INTS6: variants seen among roughly 807,000 people sequenced by gnomAD.
INTS6 encodes integrator complex subunit 6, also known as DEAD box protein.
In INTS6, 16 loss-of-function variants were observed where a neutral mutation model predicts 104.9. The ratio of observed to expected loss-of-function variants is 0.15; its 90% CI spans 0.10 to 0.23. The LOEUF is 0.23. Among genes scored for constraint, INTS6 ranks in the 10% least tolerant of loss-of-function variants. The probability of loss-of-function intolerance (pLI) is 1.00; values close to 1 mark genes in which losing one functional copy is unlikely to be tolerated. For synonymous variants in INTS6, 324 were observed against 358.7 expected (o/e 0.90, Z 1.09); for missense variants, 584 against 1,062.8 (o/e 0.55, Z 6.26).
intron 4 of INTS6, among the ~76,000 whole-genome samples, chr13:51,401,145 G>C (rs1193930447): frequency 2.6e-5 from 4 of 151,980 alleles, no homozygotes; most frequent in Non-Finnish European, 4.4e-5. Flanking sequence ...TAACTCCAAA[G>C]CTCAGACATT....
At chr13:51,349,730 A>G (rs2137788161), downstream of INTS6, among the ~76,000 whole-genome samples, 1 of 152,294 alleles carries the variant, frequency 6.6e-6, no homozygotes, top group Non-Finnish European at 1.5e-5. Context: ...GCAGTTTGAA[A>G]ACTGAAAAAC....
At chr13:51,350,211 A>G (rs1004520062), downstream of INTS6, among the ~76,000 whole-genome samples, 2 of 152,198 alleles carry the variant, frequency 1.3e-5, no homozygotes, top group Non-Finnish European at 2.9e-5. Flanking sequence ...GTTAGACATC[A>G]CCAAGCAGTG....
At chr13:51,355,197 T>C (rs1955461207) in intron 3 of INTS6, 1 of 859,340 alleles carries the variant, frequency 1.2e-6, no homozygotes, top group Non-Finnish European at 1.9e-6. Context: ...GGCAGTTTTA[T>C]CATACTTTGA....
intron 4 of INTS6, among the ~76,000 whole-genome samples, chr13:51,426,923 G>T (rs1433660474): frequency 6.6e-6 from 1 of 152,082 alleles, no homozygotes; most frequent in African/African-American, 2.4e-5. Flanking sequence ...TTCTAATCTA[G>T]ATTTTGGCAG....
Position 51,452,762 on chromosome 13 carries a change from C to A in INTS6, c.-237G>T. 1 of 1,230,696 alleles carries A rather than the reference C, an allele frequency of 8.1e-7. No homozygotes were observed. Among genetic ancestry groups the A allele is most frequent in the Non-Finnish European group, 1.0e-6 (1 of 980,672 alleles). The allele number at this position is 1,230,696 out of a possible 1,614,324, so 76.2% of individuals were successfully genotyped here. A position where few individuals can be genotyped will look rare whatever the true frequency, so the allele number is the denominator to read the frequency against. On this transcript the variant is annotated 5_prime_UTR_variant, in exon 1 of 18. In the 5' UTR this introduces an upstream ATG that the reference lacks. Transcript: ENST00000311234. This position sits in a 1 kb window ranked among gnomAD's most constrained non-coding sequence, Gnocchi z 4.2. ...CCCGCCTCCGCCTCCTCCTGCCTGC[C>A]TGCCCGCTGGGGCGGGCGCCCAGCC...
chr13:51,378,666 T>A (rs971986721), intron 11 of INTS6, among the ~76,000 whole-genome samples: 1 of 152,048 alleles, frequency 6.6e-6, no homozygotes, highest in Non-Finnish European at 1.5e-5. Flanking sequence ...AACTCTAAAC[T>A]TTTGGAGCAG....
At chr13:51,404,099 C>G (rs1269979908) in intron 4 of INTS6, among the ~76,000 whole-genome samples, 1,724 of 135,764 alleles carry the variant, frequency 0.013, 13 homozygotes, top group Non-Finnish European at 0.021. Context: ...CACACACACA[C>G]ACACAGAGAG....
In INTS6 at chr13:51,452,947, T is replaced by C. The variant is rs1171735499; in HGVS notation, c.-422A>G. ...AAGAGGGGAGTGGGCTGAGGGAAGA[T>C]TGGCCCTGGGGCTGTTGGGAGAAGT... On this transcript the variant is annotated 5_prime_UTR_variant, in exon 1 of 18. Transcript: ENST00000311234. This position sits in a 1 kb window ranked among gnomAD's most constrained non-coding sequence, Gnocchi z 4.2. 2.9e-5 allele frequency: 31 copies of C among 1,051,326 alleles called. No homozygotes were observed. The highest frequency in any genetic ancestry group is 6.9e-5 in the African/African-American group (4 of 57,598). 65.1% of individuals were successfully genotyped at this position (1,051,326 alleles called of 1,614,324 possible).
intron 4 of INTS6, among the ~76,000 whole-genome samples, chr13:51,400,326 T>C (rs1418366534): frequency 1.3e-5 from 2 of 152,252 alleles, no homozygotes; most frequent in Non-Finnish European, 2.9e-5. Flanking sequence ...TAGTGGTATC[T>C]TTTGATAAAC....
chr13:51,435,466 A>G (rs898792651), intron 3 of INTS6, among the ~76,000 whole-genome samples: 1 of 152,018 alleles, frequency 6.6e-6, no homozygotes, highest in African/African-American at 2.4e-5. Flanking sequence ...TCAACAACCA[A>G]TTACCATGGT....
chr13:51,341,195 T>C, the INTS6 span: 1 of 1,613,942 alleles, frequency 6.2e-7, no homozygotes, highest in Non-Finnish European at 8.5e-7. Context: ...GAGTTTGCAC[T>C]TCACCTCTAC....
intron 13 of INTS6, among the ~76,000 whole-genome samples, chr13:51,375,175 A>G (rs1251379497): frequency 6.6e-6 from 1 of 152,056 alleles, no homozygotes; most frequent in Non-Finnish European, 1.5e-5. Flanking sequence ...CAACATGGCA[A>G]AATCCCATCT....
chr13:51,407,653 G>A (rs1956596178), intron 4 of INTS6, among the ~76,000 whole-genome samples: 1 of 152,030 alleles, frequency 6.6e-6, no homozygotes, highest in Admixed American at 6.6e-5. Flanking sequence ...TATTCAAAAT[G>A]ATAACAAGGT....
Position 51,362,048 on chromosome 13 carries a change from G to A in INTS6, c.*3704C>T. 1 of 1,580,714 alleles carries A rather than the reference G, an allele frequency of 6.3e-7. No homozygotes were observed. On this transcript the variant is annotated 3_prime_UTR_variant, in exon 18 of 18. Coordinates refer to ENST00000311234, the MANE Select transcript of INTS6 (RefSeq NM_012141.3). ...ACCCAGTTGCTATCTTCTATCCTAAGAAAGGGGACTATTTCGTAAGTACAA... is the reference window on the plus strand; with the variant it reads ...ACCCAGTTGCTATCTTCTATCCTAAAAAAGGGGACTATTTCGTAAGTACAA...
exon 4 of INTS6, chr13:51,354,336 T>C (rs987703723): frequency 2.0e-5 from 3 of 152,200 alleles, no homozygotes; most frequent in Admixed American, 2.0e-4. Flanking sequence ...GATTTTCCCA[T>C]CTGTAAAATG....
intron 4 of INTS6, among the ~76,000 whole-genome samples, chr13:51,424,497 C>A (rs978392245): frequency 1.3e-5 from 2 of 151,904 alleles, no homozygotes; most frequent in Non-Finnish European, 2.9e-5. Flanking sequence ...TTTTAAACTA[C>A]TAATAATTGC....
At chr13:51,386,516 T>C (rs1054097083) in intron 7 of INTS6, among the ~76,000 whole-genome samples, 1 of 152,170 alleles carries the variant, frequency 6.6e-6, no homozygotes, top group African/African-American at 2.4e-5. Context: ...CTTAACTTCA[T>C]GCACTACTTT....
intron 15 of INTS6, among the ~76,000 whole-genome samples, chr13:51,372,666 C>T (rs1955834137): frequency 6.6e-6 from 1 of 152,176 alleles, no homozygotes; most frequent in Admixed American, 6.5e-5. Flanking sequence ...ATCATTTCTT[C>T]TTCCACCCAC....
At chr13:51,370,890 C>T (rs1405660139) in intron 15 of INTS6, among the ~76,000 whole-genome samples, 1 of 152,104 alleles carries the variant, frequency 6.6e-6, no homozygotes, top group African/African-American at 2.4e-5. Context: ...TTTGGGTTAG[C>T]CACCCTATTC....
Sources: allele counts gnomAD v4.1 joint callset (sites outside exome capture counted in the v4.1 genomes callset), GRCh38; gene constraint gnomAD v4.1.1; non-coding constraint Gnocchi (gnomAD v3.1); transcripts MANE v1.5; gene names NCBI Gene and HGNC (gene_info 2026-07-23, HGNC 2026-07-21).